RBKS: variants seen among roughly 807,000 people sequenced by gnomAD.
The protein encoded by RBKS is ribokinase.
In RBKS, 33 loss-of-function variants were observed where a neutral mutation model predicts 33.9. The ratio of observed to expected loss-of-function variants is 0.97; its 90% CI spans 0.74 to 1.30. The LOEUF (loss-of-function observed/expected upper bound fraction) is 1.30. RBKS is among the 50% of genes most tolerant of loss of function. The probability of loss-of-function intolerance (pLI) is 0.00; values close to 1 mark genes in which losing one functional copy is unlikely to be tolerated. For missense variants in RBKS, 361 were observed against 392.6 expected (o/e 0.92, Z 0.68); for synonymous variants, 125 against 143.0 (o/e 0.87, Z 0.90).
chr2:27,832,415 A>G (rs1311185587), intron 6 of RBKS, among the ~76,000 whole-genome samples: 1 of 152,220 alleles, frequency 6.6e-6, no homozygotes, highest in Non-Finnish European at 1.5e-5. Context: ...AAAGAAAACA[A>G]AACACCAACA....
chr2:27,820,643 C>A (rs1678185059), intron 7 of RBKS, among the ~76,000 whole-genome samples: 1 of 151,992 alleles, frequency 6.6e-6, no homozygotes, highest in African/African-American at 2.4e-5. Flanking sequence ...AACTCTGGGC[C>A]TCAAGCAATC....
At chr2:27,881,092 A>T (rs1270206705) in intron 1 of RBKS, among the ~76,000 whole-genome samples, 1 of 151,886 alleles carries the variant, frequency 6.6e-6, no homozygotes, top group Non-Finnish European at 1.5e-5. Flanking sequence ...CAAACAAAAA[A>T]ACAGAAATTA....
At position 27,858,566 on chromosome 2, in the gene RBKS, G is replaced by A. The variant is rs184414342; in HGVS notation, c.95C>T (p.Thr32Ile). The A allele has an allele frequency of 1.5e-5, 24 of 1,612,478 alleles. No individual in the cohort carries two copies. The highest frequency in any genetic ancestry group is 2.0e-5 in the Non-Finnish European group (23 of 1,179,324). ...GSCMTDLVSL[T>I]SRLPKTGETI... ...TTCTCCAGTTTTTGGCAAACGAGAA[G>A]TAAGACTATTGTAATTTAAAAAGAG... The change falls in exon 2 of 8, where the codon ACT becomes ATT. Residue 32 changes from threonine to isoleucine, a missense_variant. By Grantham distance (89) the Thr-to-Ile change is moderately conservative (BLOSUM62 -1). Transcript: ENST00000302188.
At chr2:27,790,914 CCTAG>C (rs1238738644) in intron 7 of RBKS, among the ~76,000 whole-genome samples, 1 of 152,142 alleles carries the variant, frequency 6.6e-6, no homozygotes, top group Non-Finnish European at 1.5e-5. Context: ...CAATTCTATT[CCTAG>C]CTATTTATCC....
intron 7 of RBKS, among the ~76,000 whole-genome samples, chr2:27,825,788 C>T (rs553184310): frequency 1.3e-5 from 2 of 152,320 alleles, no homozygotes; most frequent in African/African-American, 4.8e-5. Flanking sequence ...CCAAATAAAT[C>T]CTTTTTCCTG....
rs754827668 is a variant in RBKS, at chr2:27,858,513, CA to C, written c.147del (p.Ile49MetfsTer20). ...GETIHGHKFFIGFGGKGANQC... is the reference protein window; with the variant it reads ...GETIHGHKFFXGFGGKGANQC... ...TGGTTGGCACCTTTCCCTCCAAAGC[CA>C]ATAAAAAACTTATGTCCATGGATGG... On this transcript the variant is annotated frameshift_variant, in exon 2 of 8. Transcript: ENST00000302188. LOFTEE classifies it high-confidence loss of function. 6.2e-7 allele frequency: 1 copy of C among 1,613,998 alleles called. No homozygotes were observed. The highest frequency in any genetic ancestry group is 2.2e-5 in the East Asian group (1 of 44,878).
intron 7 of RBKS, among the ~76,000 whole-genome samples, chr2:27,788,331 T>C (rs1181779587): frequency 6.6e-6 from 1 of 152,162 alleles, no homozygotes; most frequent in African/African-American, 2.4e-5. Context: ...ATGACCTACG[T>C]AGAAAATCCT....
At chr2:27,840,327 T>TAC (rs544313433) in intron 5 of RBKS, among the ~76,000 whole-genome samples, 40,720 of 116,838 alleles carry the variant, frequency 0.35, 7,576 homozygotes, top group Non-Finnish European at 0.42. Context: ...GATGATGCAT[T>TAC]ACACACACAC....
At chr2:27,849,432 G>A (rs1211027421) in intron 2 of RBKS, among the ~76,000 whole-genome samples, 12 of 151,186 alleles carry the variant, frequency 7.9e-5, no homozygotes, top group South Asian at 2.1e-4. Flanking sequence ...GTGTGGTGGC[G>A]CACGCCTGTA....
chr2:27,838,353 T>C (rs1663357202), intron 5 of RBKS, among the ~76,000 whole-genome samples: 1 of 152,244 alleles, frequency 6.6e-6, no homozygotes. Context: ...TACTATTCTC[T>C]GTATGTCTAT....
At chr2:27,853,114 C>T (rs1029603098) in intron 2 of RBKS, among the ~76,000 whole-genome samples, 5 of 152,020 alleles carry the variant, frequency 3.3e-5, no homozygotes, top group Admixed American at 6.5e-5. Context: ...TGCCGTAATC[C>T]TAGCATTTTG....
chr2:27,875,576 G>C (rs1434970540), intron 1 of RBKS, among the ~76,000 whole-genome samples: 1 of 151,986 alleles, frequency 6.6e-6, no homozygotes, highest in Non-Finnish European at 1.5e-5. Context: ...ACAAAAACAA[G>C]AATGTTATTT....
chr2:27,809,825 C>A lies in RBKS; in HGVS notation c.795+17742G>T, dbSNP rs939288250. 5 of 724,774 alleles carry A rather than the reference C, an allele frequency of 6.9e-6. No homozygotes were observed. The African/African-American group carries it at 9.3e-5, about 13-fold the overall frequency. 44.9% of individuals were successfully genotyped at this position (724,774 alleles called of 1,614,324 possible). ...AGATTATTAAACAGCAAAGGCATTTCATAATATTAGCACCAACCACAGGTT... is the reference window on the plus strand; with the variant it reads ...AGATTATTAAACAGCAAAGGCATTTAATAATATTAGCACCAACCACAGGTT... On this transcript the variant is annotated intron_variant, in intron 7 of 7. Transcript: ENST00000302188.
intron 7 of RBKS, among the ~76,000 whole-genome samples, chr2:27,821,679 A>C (rs1678213826): frequency 6.6e-6 from 1 of 152,214 alleles, no homozygotes; most frequent in African/African-American, 2.4e-5. Context: ...GTGATAATGA[A>C]GGCTCTCAAG....
At chr2:27,791,123 G>C (rs1361018013) in intron 7 of RBKS, among the ~76,000 whole-genome samples, 3 of 152,146 alleles carry the variant, frequency 2.0e-5, no homozygotes. Flanking sequence ...AAACAGCATG[G>C]ATGAATCTCA....
intron 7 of RBKS, 86 bp downstream of exon 7, chr2:27,827,481 A>T (rs1678334019): frequency 8.1e-7 from 1 of 1,228,090 alleles, no homozygotes; most frequent in African/African-American, 1.5e-5. Flanking sequence ...TTGTTTCATT[A>T]TCCAAAAATT....
At chr2:27,798,780 G>A (rs6715987) in intron 7 of RBKS, among the ~76,000 whole-genome samples, 5,606 of 152,132 alleles carry the variant, frequency 0.037, 352 homozygotes, top group African/African-American at 0.13. Flanking sequence ...ATTCACTTAC[G>A]GGTCTCAGTA....
chr2:27,844,479 A>G (rs1450290719), intron 4 of RBKS, among the ~76,000 whole-genome samples: 1 of 151,886 alleles, frequency 6.6e-6, no homozygotes, highest in Admixed American at 6.6e-5. Flanking sequence ...TGCAGCCTCC[A>G]CCTCCTGGGT....
In RBKS at chr2:27,841,270, G is replaced by A. The variant is rs114299319; in HGVS notation, c.514+1797C>T. ...TGCTGTATCTTTCTCTCCTTCACAA[G>A]CAGGGTAGGTAACAGGCAACTAGAC... On this transcript the variant is annotated intron_variant, in intron 5 of 7. Transcript: ENST00000302188. Among the ~76,000 whole-genome samples, 271 of 152,212 alleles carry A rather than the reference G, an allele frequency of 1.8e-3. 1 individual carries two copies. Among genetic ancestry groups the A allele is most frequent in the African/African-American group, 6.2e-3 (259 of 41,534 alleles).
Sources: allele counts gnomAD v4.1 joint callset (sites outside exome capture counted in the v4.1 genomes callset), GRCh38; gene constraint gnomAD v4.1.1; transcripts MANE v1.5; gene names NCBI Gene and HGNC (gene_info 2026-07-23, HGNC 2026-07-21).